TANC1: variants seen among roughly 807,000 people sequenced by gnomAD.
The protein encoded by TANC1 is protein TANC1.
A neutral mutation model predicts 149.7 loss-of-function variants in TANC1; 77 were observed. The ratio of observed to expected loss-of-function variants is 0.51; its 90% CI spans 0.43 to 0.62. The LOEUF (loss-of-function observed/expected upper bound fraction) is 0.62. TANC1 is among the 20% of genes least tolerant of loss of function. The pLI is 0.00. For synonymous variants in TANC1, 854 were observed against 925.0 expected, an observed-to-expected ratio of 0.92 and a Z score of 1.39; for missense variants, 1,985 against 2,321.8, an observed-to-expected ratio of 0.85 and a Z score of 2.98.
At chr2:159,075,506 G>A (rs1401151785) in intron 3 of TANC1, among the ~76,000 whole-genome samples, 1 of 151,820 alleles carries the variant, frequency 6.6e-6, no homozygotes, top group Non-Finnish European at 1.5e-5. Flanking sequence ...AGCCTGGAAA[G>A]TCGAGGTTGC....
chr2:159,211,189 A>G (rs759868791), intron 19 of TANC1, among the ~76,000 whole-genome samples: 2 of 152,230 alleles, frequency 1.3e-5, no homozygotes, highest in Non-Finnish European at 2.9e-5. Flanking sequence ...TGTTCTTAAA[A>G]TGAACGTCTG....
intron 4 of TANC1, among the ~76,000 whole-genome samples, chr2:159,111,543 C>G (rs995184951): frequency 1.3e-5 from 2 of 152,124 alleles, no homozygotes; most frequent in African/African-American, 4.8e-5. Flanking sequence ...TTTATTTGGA[C>G]GAGCACCAGA....
At chr2:159,179,698 A>T (rs1021383035) in intron 14 of TANC1, among the ~76,000 whole-genome samples, 1 of 151,918 alleles carries the variant, frequency 6.6e-6, no homozygotes, top group African/African-American at 2.4e-5. Flanking sequence ...CCCGCTCCAC[A>T]CCCTTCACCC....
chr2:159,056,263 T>C lies in TANC1; in HGVS notation c.-15-9633T>C, dbSNP rs77108477. 3.8e-3 allele frequency: 865 copies of C among 228,894 alleles called. 2 individuals are homozygous for C. The highest frequency in any genetic ancestry group is 6.2e-3 in the Non-Finnish European group (673 of 109,294). The allele number at this position is 228,894 out of a possible 1,614,324, so 14.2% of individuals were successfully genotyped here. A position where few individuals can be genotyped will look rare whatever the true frequency, so the allele number is the denominator to read the frequency against. ...TGGAGAATTGTTTCAGTTGTTCAGG[T>C]AGCTGTTCCAAGTACTGAGGTTTCA... On this transcript the variant is annotated intron_variant, in intron 2 of 26. Coordinates refer to ENST00000263635, the MANE Select transcript of TANC1 (RefSeq NM_033394.3).
At chr2:159,110,176 G>C (rs113901302) in intron 4 of TANC1, among the ~76,000 whole-genome samples, 1 of 152,182 alleles carries the variant, frequency 6.6e-6, no homozygotes, top group Non-Finnish European at 1.5e-5. Flanking sequence ...AAGAGAAAGC[G>C]TTGAGACTAT....
intron 4 of TANC1, among the ~76,000 whole-genome samples, chr2:159,118,447 T>C (rs1233909445): frequency 6.6e-6 from 1 of 152,190 alleles, no homozygotes; most frequent in East Asian, 1.9e-4. Context: ...CCCGGGAAGA[T>C]GAACTCCCAG....
chr2:159,230,016 GGCCCAGATCGTGAAAACCA>G lies in TANC1; in HGVS notation c.4594_4612del (p.Gln1532SerfsTer10). The stretch of plus-strand genomic sequence containing the variant: ...GGCTGCTCCTGCAGCCCTCCAAGCA[GGCCCAGATCGTGAAAACCA>G]GCCAGCACCTGGGCTCTGGCCAGTC... On this transcript the variant is annotated frameshift_variant, in exon 27 of 27. Coordinates refer to ENST00000263635, the MANE Select transcript of TANC1 (RefSeq NM_033394.3). LOFTEE classifies it low-confidence loss of function (END_TRUNC). This position sits in a 1 kb window ranked among gnomAD's most constrained non-coding sequence, Gnocchi z 4.4. The G allele has an allele frequency of 6.2e-7, 1 of 1,614,078 alleles. No homozygotes were observed. The highest frequency in any genetic ancestry group is 8.5e-7 in the Non-Finnish European group (1 of 1,180,038).
At chr2:159,194,616 G>T in intron 17 of TANC1, 123 bp downstream of exon 17, 1 of 862,384 alleles carries the variant, frequency 1.2e-6, no homozygotes, top group East Asian at 2.5e-5. Context: ...AGAAAGGGTC[G>T]GGCTCCAGGG....
At chr2:159,070,518 A>G (rs1447348179) in intron 3 of TANC1, among the ~76,000 whole-genome samples, 1 of 152,222 alleles carries the variant, frequency 6.6e-6, no homozygotes, top group Non-Finnish European at 1.5e-5. Flanking sequence ...TTGTTGTATC[A>G]CAGAGTAGTT....
At chr2:159,135,078 C>G (rs1574889911) in intron 4 of TANC1, among the ~76,000 whole-genome samples, 2 of 152,198 alleles carry the variant, frequency 1.3e-5, no homozygotes, top group African/African-American at 4.8e-5. Context: ...AAAGAAGTCA[C>G]ATATCCCTTA....
chr2:159,011,317 G>A (rs907428265), intron 2 of TANC1, among the ~76,000 whole-genome samples: 5 of 151,774 alleles, frequency 3.3e-5, no homozygotes, highest in Admixed American at 1.3e-4. Flanking sequence ...TTACTTGGAA[G>A]TAAAACAACA....
At chr2:159,062,824 G>A (rs985226551) in intron 2 of TANC1, among the ~76,000 whole-genome samples, 12 of 151,050 alleles carry the variant, frequency 7.9e-5, no homozygotes, top group East Asian at 1.9e-4. Flanking sequence ...AAAATTAGCC[G>A]GGCGCGGTGG....
chr2:159,059,888 T>TTCTGTGTGTG (rs1195029777), intron 2 of TANC1, among the ~76,000 whole-genome samples: 4 of 114,804 alleles, frequency 3.5e-5, no homozygotes, highest in Admixed American at 1.9e-4. Context: ...GCAGACCTCT[T>TTCTGTGTGTG]TGTGTGTGTG....
At chr2:159,003,843 G>A (rs1486996585) in intron 2 of TANC1, 13 of 1,607,042 alleles carry the variant, frequency 8.1e-6, no homozygotes, top group East Asian at 2.2e-5. Flanking sequence ...TTTACCAACA[G>A]CATGAATCAA....
chr2:159,018,596 AC>A (rs1195113878), intron 2 of TANC1, among the ~76,000 whole-genome samples: 1 of 152,192 alleles, frequency 6.6e-6, no homozygotes, highest in Non-Finnish European at 1.5e-5. Flanking sequence ...CATCTCCAGA[AC>A]TTTTTTATCA....
intron 16 of TANC1, among the ~76,000 whole-genome samples, chr2:159,191,226 G>A (rs532496879): frequency 1.3e-5 from 2 of 152,316 alleles, no homozygotes; most frequent in East Asian, 3.9e-4. Context: ...GGCAGTCCCA[G>A]CAGTGTGAAG....
chr2:159,059,522 TA>T (rs141438734), intron 2 of TANC1, among the ~76,000 whole-genome samples: 8 of 147,622 alleles, frequency 5.4e-5, no homozygotes, highest in Middle Eastern at 3.5e-3. Flanking sequence ...ACCAAATATA[TA>T]AAAAAAAAAG....
At chr2:159,126,206 C>A (rs1453820210) in intron 4 of TANC1, among the ~76,000 whole-genome samples, 1 of 152,126 alleles carries the variant, frequency 6.6e-6, no homozygotes, top group East Asian at 1.9e-4. Context: ...GGGATGGGAT[C>A]TTGGAATGAT....
intron 3 of TANC1, among the ~76,000 whole-genome samples, chr2:159,067,405 A>G (rs1201696404): frequency 3.9e-5 from 6 of 152,188 alleles, no homozygotes; most frequent in Non-Finnish European, 5.9e-5. Context: ...TAATGACCTA[A>G]ACAGGAGACC....
Sources: allele counts gnomAD v4.1 joint callset (sites outside exome capture counted in the v4.1 genomes callset), GRCh38; gene constraint gnomAD v4.1.1; non-coding constraint Gnocchi (gnomAD v3.1); transcripts MANE v1.5; gene names NCBI Gene and HGNC (gene_info 2026-07-23, HGNC 2026-07-21).